The following SHANK2 variants were observed in gnomAD, a reference collection of about 807,000 sequenced individuals.
SHANK2 encodes the protein SH3 and multiple ankyrin repeat domains protein 2.
Under a neutral mutation model 133.7 loss-of-function variants are expected in SHANK2, and 43 were observed. That is an observed-to-expected ratio of 0.32 (90% CI 0.25 to 0.41). SHANK2 has a LOEUF of 0.41. Among genes scored for constraint, SHANK2 ranks in the 10% least tolerant of loss-of-function variants. SHANK2 has a pLI of 1.00. For missense variants in SHANK2, 1,994 were observed against 2,235.8 expected (o/e 0.89, Z 2.18); for synonymous variants, 1,017 against 952.8 (o/e 1.07, Z -1.24).
chr11:70,846,255 T>C (rs1385227467), intron 11 of SHANK2, among the ~76,000 whole-genome samples: 1 of 151,414 alleles, frequency 6.6e-6, no homozygotes, highest in Non-Finnish European at 1.5e-5. Context: ...GTTATTTTTC[T>C]GTAAATTAGT....
chr11:70,868,910 C>T (rs1356488290), intron 11 of SHANK2, among the ~76,000 whole-genome samples: 1 of 152,218 alleles, frequency 6.6e-6, no homozygotes, highest in East Asian at 1.9e-4. Flanking sequence ...GCGCTGAGTG[C>T]TAGAGGCTGA....
intron 7 of SHANK2, among the ~76,000 whole-genome samples, chr11:71,093,491 G>A (rs762174277): frequency 6.6e-6 from 1 of 152,042 alleles, no homozygotes; most frequent in Non-Finnish European, 1.5e-5. Context: ...CTCAGGAATG[G>A]CTTAACACCA....
intron 14 of SHANK2, among the ~76,000 whole-genome samples, chr11:70,791,502 C>T (rs1046577113): frequency 2.6e-5 from 4 of 152,198 alleles, no homozygotes; most frequent in Non-Finnish European, 5.9e-5. Flanking sequence ...CTGTCTCTTA[C>T]GCACAGAAAC....
chr11:70,640,047 T>C (rs1356992251), intron 17 of SHANK2, among the ~76,000 whole-genome samples: 2 of 152,304 alleles, frequency 1.3e-5, no homozygotes, highest in South Asian at 2.1e-4. Flanking sequence ...CAGGTGCAGC[T>C]GGGATGTGTC....
chr11:70,933,088 C>T (rs1950523728), intron 10 of SHANK2: 1 of 456,230 alleles, frequency 2.2e-6, no homozygotes, highest in South Asian at 1.6e-5. Flanking sequence ...GCATGATTCA[C>T]ACTAGCCAGA....
At chr11:70,759,903 A>G (rs1946954783) in intron 14 of SHANK2, among the ~76,000 whole-genome samples, 1 of 152,200 alleles carries the variant, frequency 6.6e-6, no homozygotes, top group African/African-American at 2.4e-5. Context: ...CTTGATAAGA[A>G]ACCACTGGCC....
chr11:71,089,945 C>G (rs1016538997), intron 8 of SHANK2, among the ~76,000 whole-genome samples: 30 of 152,276 alleles, frequency 2.0e-4, no homozygotes, highest in African/African-American at 7.2e-4. Flanking sequence ...CGAGTTTCCA[C>G]CAGGGACAAA....
chr11:70,895,914 A>G (rs1949926956), intron 11 of SHANK2, among the ~76,000 whole-genome samples: 1 of 151,964 alleles, frequency 6.6e-6, no homozygotes, highest in Admixed American at 6.6e-5. Flanking sequence ...GAGCTTACCC[A>G]GAGAGCCCCT....
At chr11:70,664,586 T>G (rs1345761390) in intron 15 of SHANK2, among the ~76,000 whole-genome samples, 1 of 152,212 alleles carries the variant, frequency 6.6e-6, no homozygotes, top group African/African-American at 2.4e-5. Context: ...AAGGGGAACC[T>G]GTCATGCGCT....
chr11:70,715,593 T>TC (rs1945896205), intron 14 of SHANK2, among the ~76,000 whole-genome samples: 2 of 152,152 alleles, frequency 1.3e-5, no homozygotes, highest in Non-Finnish European at 2.9e-5. Flanking sequence ...TCTATAGTAA[T>TC]TAGAATGTTT....
At chr11:71,205,290 G>C (rs1954106277) in intron 2 of SHANK2, among the ~76,000 whole-genome samples, 1 of 152,176 alleles carries the variant, frequency 6.6e-6, no homozygotes, top group African/African-American at 2.4e-5. Flanking sequence ...CCTAGCTTTG[G>C]GTCATCTGGA....
chr11:70,903,516 A>G (rs1950056001), intron 10 of SHANK2, among the ~76,000 whole-genome samples: 1 of 152,218 alleles, frequency 6.6e-6, no homozygotes, highest in Admixed American at 6.5e-5. Context: ...TGACAATCAC[A>G]GCCCACTAGG....
At chr11:71,083,651 A>G (rs1951332086) in intron 8 of SHANK2, among the ~76,000 whole-genome samples, 1 of 152,174 alleles carries the variant, frequency 6.6e-6, no homozygotes, top group South Asian at 2.1e-4. Context: ...CTTTGCCCCA[A>G]GGAAGGTACC....
At chr11:71,067,603 AGCACAT>A (rs1220992467) in intron 9 of SHANK2, among the ~76,000 whole-genome samples, 4 of 152,222 alleles carry the variant, frequency 2.6e-5, no homozygotes, top group African/African-American at 9.6e-5. Context: ...AAACTGATAA[AGCACAT>A]GTAACAATCC....
chr11:71,173,105 G>A (rs782211076), intron 2 of SHANK2, among the ~76,000 whole-genome samples: 2 of 152,206 alleles, frequency 1.3e-5, no homozygotes, highest in African/African-American at 4.8e-5. Flanking sequence ...TATAAATCAC[G>A]CCTTGTTTGA....
At chr11:70,789,500 C>T (rs1591847387) in intron 14 of SHANK2, among the ~76,000 whole-genome samples, 1 of 152,164 alleles carries the variant, frequency 6.6e-6, no homozygotes. Context: ...CCAGTCGAGA[C>T]CCCTGCACCA....
At chr11:70,504,642 G>A (rs1269475663) in intron 17 of SHANK2, among the ~76,000 whole-genome samples, 1 of 152,188 alleles carries the variant, frequency 6.6e-6, no homozygotes, top group African/African-American at 2.4e-5. Context: ...TATCCTAATG[G>A]GGCCTTGGGA....
intron 17 of SHANK2, among the ~76,000 whole-genome samples, chr11:70,594,891 C>T (rs1184357406): frequency 6.6e-6 from 1 of 152,188 alleles, no homozygotes; most frequent in Non-Finnish European, 1.5e-5. Flanking sequence ...TCTGCATGCA[C>T]CTTCAGGGAC....
chr11:71,154,471 G>T (rs1194886447), intron 2 of SHANK2, among the ~76,000 whole-genome samples: 1 of 152,222 alleles, frequency 6.6e-6, no homozygotes, highest in African/African-American at 2.4e-5. Context: ...AGAAAGGCAC[G>T]CTGGCTTCCT....
Sources: gnomAD v4.1 joint callset for allele counts (sites outside exome capture counted in the v4.1 genomes callset) on GRCh38, gnomAD v4.1.1 for gene constraint, MANE v1.5 for transcripts, NCBI Gene and HGNC (gene_info 2026-07-23, HGNC 2026-07-21) for gene names.